Variants in MARCHF1 observed in about 807,000 individuals in gnomAD.
The protein encoded by MARCHF1 is E3 ubiquitin-protein ligase MARCHF1.
In MARCHF1, 40 loss-of-function variants were observed where a neutral mutation model predicts 54.2. The observed-to-expected ratio is 0.74, with a 90% CI of 0.57 to 0.96. The LOEUF (loss-of-function observed/expected upper bound fraction) is 0.96. Among genes scored for constraint, MARCHF1 ranks in the 40% least tolerant of loss-of-function variants. MARCHF1 has a pLI of 0.00. For missense variants in MARCHF1, 586 were observed against 656.5 expected, an observed-to-expected ratio of 0.89 and a Z score of 1.17; for synonymous variants, 236 against 236.3, an observed-to-expected ratio of 1.00 and a Z score of 0.01.
chr4:163,934,989 C>T (rs1751763181), intron 3 of MARCHF1, among the ~76,000 whole-genome samples: 1 of 152,094 alleles, frequency 6.6e-6, no homozygotes, highest in African/African-American at 2.4e-5. Context: ...ACAGTACAGC[C>T]TTAAAAACTA....
rs117117871 is a variant in MARCHF1, at chr4:164,330,419, C to T, written c.-323+53451G>A. Reference sequence around the variant, plus strand: ...TCCATCACTTGATCTCTTGAAGCTGCCTCTGCTGCCAAGAGCCTGGTGCAC... The same window carrying T: ...TCCATCACTTGATCTCTTGAAGCTGTCTCTGCTGCCAAGAGCCTGGTGCAC... On this transcript the variant is annotated intron_variant, in intron 1 of 9. Transcript: ENST00000514618. Among the ~76,000 whole-genome samples, 61 of 152,260 alleles carry T rather than the reference C, an allele frequency of 4.0e-4. No homozygotes were observed. In the East Asian group the frequency reaches 0.012, roughly 29 times the overall value.
intron 2 of MARCHF1, among the ~76,000 whole-genome samples, chr4:164,039,115 A>G (rs1327531752): frequency 2.6e-5 from 4 of 152,184 alleles, no homozygotes; most frequent in Non-Finnish European, 5.9e-5. Flanking sequence ...TGTGTAATAG[A>G]TTAGGGAGTA....
In MARCHF1 at chr4:164,091,731, G is replaced by A. The variant is rs182085801; in HGVS notation, c.-248+19857C>T. On this transcript the variant is annotated intron_variant, in intron 2 of 9. Transcript: ENST00000514618. Reference sequence around the variant, plus strand: ...AATACTGTGTTAGAAATGTTGTATTGTGACTAAATACTGGATATGTGACAA... The same window carrying A: ...AATACTGTGTTAGAAATGTTGTATTATGACTAAATACTGGATATGTGACAA... 1.6e-4 allele frequency among the ~76,000 whole-genome samples: 25 copies of A among 152,074 alleles called. No individual in the cohort carries two copies. The East Asian group carries it at 2.5e-3, about 15-fold the overall frequency.
chr4:163,983,956 T>C (rs997814055), intron 3 of MARCHF1, among the ~76,000 whole-genome samples: 3 of 109,142 alleles, frequency 2.7e-5, no homozygotes, highest in Non-Finnish European at 4.5e-5. Flanking sequence ...TAAAAATTTT[T>C]ACTAAAAATT....
At chr4:163,735,263 C>T (rs931953723) in intron 4 of MARCHF1, among the ~76,000 whole-genome samples, 3 of 152,112 alleles carry the variant, frequency 2.0e-5, no homozygotes, top group Admixed American at 6.6e-5. Context: ...CTTATCACCA[C>T]CTGGTATTAC....
Position 164,359,407 on chromosome 4 carries a change from C to T in MARCHF1, c.-323+24463G>A, listed in dbSNP as rs563029399. Among the ~76,000 whole-genome samples the T allele has an allele frequency of 7.9e-5, 12 of 152,286 alleles. No individual in the cohort carries two copies. The South Asian group carries it at 1.2e-3, about 16-fold the overall frequency. On this transcript the variant is annotated intron_variant, in intron 1 of 9. Transcript: ENST00000514618. Reference sequence around the variant, plus strand: ...TTCCATCAAGCTACTATTTCTGCTACACTTCAAGATAAATCCCTGAACTGC... The same window carrying T: ...TTCCATCAAGCTACTATTTCTGCTATACTTCAAGATAAATCCCTGAACTGC...
chr4:164,373,370 T>G (rs1312824122), intron 1 of MARCHF1, among the ~76,000 whole-genome samples: 20 of 147,046 alleles, frequency 1.4e-4, no homozygotes, highest in African/African-American at 5.0e-4. Flanking sequence ...TTTTTTTTTT[T>G]TTTTTGAGAT....
chr4:164,370,797 A>G (rs1319985780), intron 1 of MARCHF1, among the ~76,000 whole-genome samples: 3 of 152,098 alleles, frequency 2.0e-5, no homozygotes, highest in African/African-American at 4.8e-5. Flanking sequence ...AGTCCCAGCT[A>G]CTTGGGAGGC....
chr4:163,986,409 T>TCCC (rs1752871186), intron 3 of MARCHF1, among the ~76,000 whole-genome samples: 1 of 151,518 alleles, frequency 6.6e-6, no homozygotes, highest in Non-Finnish European at 1.5e-5. Context: ...GGACCACAGG[T>TCCC]GCCCACCACC....
intron 2 of MARCHF1, among the ~76,000 whole-genome samples, chr4:164,080,315 A>T (rs892170178): frequency 6.6e-6 from 1 of 152,242 alleles, no homozygotes; most frequent in Non-Finnish European, 1.5e-5. Flanking sequence ...CCTGCTCAAG[A>T]TGCAAAATAA....
At chr4:164,004,543 T>C (rs543193879) in intron 2 of MARCHF1, among the ~76,000 whole-genome samples, 2 of 152,150 alleles carry the variant, frequency 1.3e-5, no homozygotes, top group East Asian at 3.9e-4. Flanking sequence ...GAATAGAAAT[T>C]ATTTTATCAA....
rs1017265679 is a variant in MARCHF1 at position 164,356,460 on chromosome 4, T to C, written c.-323+27410A>G. ...CATAAAAAATGATGAGTTCATGTCC[T>C]TTGTAGGGACATGGATGAAATTGGA... On this transcript the variant is annotated intron_variant, in intron 1 of 9. Transcript: ENST00000514618. Among the ~76,000 whole-genome samples, 7 of 124,074 alleles carry C rather than the reference T, an allele frequency of 5.6e-5. 1 individual carries two copies. Among genetic ancestry groups the C allele is most frequent in the Admixed American group, 3.2e-4 (4 of 12,614 alleles). The allele number at this position is 124,074 out of a possible 152,430, so 81.4% of individuals were successfully genotyped here.
Position 163,545,629 on chromosome 4 carries a change from T to C in MARCHF1, c.1306A>G (p.Thr436Ala). ...TTGCCTTGCTTGATTTCCTCCGCTG[T>C]CCGGTCTATCAATACATACAAAGAC... ...VWSLYVLIDR[T>A]AEEIKQGNDN... The change falls in exon 9 of 10, where the codon ACA (threonine) becomes GCA (alanine). Residue 436 changes from threonine to alanine, a missense_variant. Physicochemically the swap from Thr to Ala is moderately conservative, Grantham distance 58. Transcript: ENST00000514618. 1 of 1,613,944 alleles carries C rather than the reference T, an allele frequency of 6.2e-7. No individual in the cohort carries two copies.
rs557212565 is a variant in MARCHF1, at chr4:163,726,607, T to A, written c.112-25744A>T. Among the ~76,000 whole-genome samples the A allele has an allele frequency of 2.0e-5, 3 of 152,182 alleles. No individual in the cohort carries two copies. The East Asian group carries it at 5.8e-4, about 29-fold the overall frequency. On this transcript the variant is annotated intron_variant, in intron 4 of 9. Transcript: ENST00000514618. Reference sequence around the variant, plus strand: ...TTTTGTGAGGGCATACATTTTCAACTCATTTGGGTGAATCCAAAGAAGCAC... The same window carrying A: ...TTTTGTGAGGGCATACATTTTCAACACATTTGGGTGAATCCAAAGAAGCAC...
chr4:163,734,067 T>C (rs1033972050), intron 4 of MARCHF1, among the ~76,000 whole-genome samples: 2 of 152,132 alleles, frequency 1.3e-5, no homozygotes, highest in Non-Finnish European at 2.9e-5. Context: ...TCAACATAAT[T>C]AGCTAGGAGG....
intron 1 of MARCHF1, among the ~76,000 whole-genome samples, chr4:164,149,039 G>T (rs1002868172): frequency 2.0e-5 from 3 of 152,158 alleles, no homozygotes; most frequent in African/African-American, 7.2e-5. Flanking sequence ...TACTGCTACT[G>T]TGGTAATGAG....
intron 1 of MARCHF1, among the ~76,000 whole-genome samples, chr4:164,255,567 A>T (rs892797618): frequency 6.6e-6 from 1 of 152,100 alleles, no homozygotes; most frequent in African/African-American, 2.4e-5. Context: ...TTTACAACAG[A>T]TCCACCTAAA....
intron 1 of MARCHF1, among the ~76,000 whole-genome samples, chr4:164,355,980 G>T (rs1730515645): frequency 8.0e-6 from 1 of 125,618 alleles, no homozygotes; most frequent in South Asian, 2.5e-4. Flanking sequence ...CTTCTCAAAA[G>T]AAGACATTTA....
intron 1 of MARCHF1, among the ~76,000 whole-genome samples, chr4:164,278,477 A>G (rs1352096008): frequency 3.9e-5 from 6 of 152,248 alleles, no homozygotes; most frequent in Non-Finnish European, 8.8e-5. Context: ...CATATCAAAC[A>G]TAAACCCATT....
Sources: allele counts gnomAD v4.1 joint callset (sites outside exome capture counted in the v4.1 genomes callset), GRCh38; gene constraint gnomAD v4.1.1; transcripts MANE v1.5; gene names NCBI Gene and HGNC (gene_info 2026-07-23, HGNC 2026-07-21).